The following AMACR variants were observed in gnomAD, a reference collection of about 807,000 sequenced individuals.
AMACR encodes the protein 2-methylacyl-CoA racemase.
In AMACR, 18 loss-of-function variants were observed where a neutral mutation model predicts 22.2. The observed-to-expected ratio is 0.81, with a 90% CI of 0.56 to 1.20. AMACR has a LOEUF of 1.20. AMACR is among the 50% of genes most tolerant of loss of function. AMACR has a pLI of 0.00. For synonymous variants in AMACR, 213 were observed against 191.3 expected, an observed-to-expected ratio of 1.11 and a Z score of -0.94; for missense variants, 499 against 490.6, an observed-to-expected ratio of 1.02 and a Z score of -0.16.
intron 3 of AMACR, 74 bp from the exon 4 acceptor site, chr5:33,998,901 G>T: frequency 6.8e-7 from 1 of 1,469,898 alleles, no homozygotes; most frequent in Non-Finnish European, 9.5e-7. Flanking sequence ...TCCCATTCAA[G>T]TTAAAAAAAA....
chr5:33,995,462 AAAAAGAAATT>A (rs1753606230), intron 4 of AMACR, among the ~76,000 whole-genome samples: 1 of 152,228 alleles, frequency 6.6e-6, no homozygotes, highest in Non-Finnish European at 1.5e-5. Context: ...GGGGAGAAGG[AAAAAGAAATT>A]CATGCTAGTT....
chr5:33,993,275 A>C (rs780854423), intron 4 of AMACR, among the ~76,000 whole-genome samples: 1 of 152,212 alleles, frequency 6.6e-6, no homozygotes, highest in Non-Finnish European at 1.5e-5. Flanking sequence ...TTCAGGCTGA[A>C]TCACATTCCA....
At chr5:34,006,890 A>G (rs2112075124) in intron 1 of AMACR, among the ~76,000 whole-genome samples, 1 of 152,350 alleles carries the variant, frequency 6.6e-6, no homozygotes, top group South Asian at 2.1e-4. Context: ...CTGTCTGAGA[A>G]TCCACTGGAG....
chr5:33,989,358 G>C lies in AMACR; in HGVS notation c.884C>G (p.Thr295Ser). ...AACCTCCTCAAAAGTCAGAACCGGA[G>C]TCACACAGGCATCTGTGCCGTCAAA... ...QIFDGTDACV[T>S]PVLTFEEVVH... The change falls in exon 5 of 5, where the codon ACT (threonine) becomes AGT (serine). Residue 295 changes from threonine to serine, a missense_variant. By Grantham distance (58) the Thr-to-Ser change is moderately conservative (BLOSUM62 1). Transcript: ENST00000335606. The C allele has an allele frequency of 6.2e-7, 1 of 1,614,184 alleles. No individual in the cohort carries two copies. The highest frequency in any genetic ancestry group is 8.5e-7 in the Non-Finnish European group (1 of 1,180,038).
chr5:34,004,193 A>C (rs1753899715), intron 3 of AMACR, among the ~76,000 whole-genome samples: 1 of 152,202 alleles, frequency 6.6e-6, no homozygotes. Flanking sequence ...GACTTCTTGA[A>C]CTTTTTTTGA....
At chr5:33,997,381 C>T (rs1341599624) in intron 4 of AMACR, 2 of 776,914 alleles carry the variant, frequency 2.6e-6, no homozygotes, top group South Asian at 1.3e-5. Flanking sequence ...GCCATTGCCG[C>T]CTCCAACGGT....
chr5:34,004,431 A>G, intron 3 of AMACR, 143 bp downstream of exon 3: 1 of 1,064,502 alleles, frequency 9.4e-7, no homozygotes, highest in Non-Finnish European at 1.4e-6. Flanking sequence ...TCTATTTTAA[A>G]AAGAAAAGGA....
chr5:34,006,789 C>A (rs1753993016), intron 1 of AMACR, among the ~76,000 whole-genome samples: 1 of 152,222 alleles, frequency 6.6e-6, no homozygotes, highest in Non-Finnish European at 1.5e-5. Flanking sequence ...CCGGCTGTGC[C>A]GTAGGCATTC....
intron 4 of AMACR, chr5:33,996,997 A>T: frequency 3.3e-6 from 2 of 602,440 alleles, no homozygotes; most frequent in South Asian, 1.9e-5. Context: ...AATGTCCAGT[A>T]TTTTTTTTTA....
At position 33,986,457 on chromosome 5, in the gene AMACR, T is replaced by C. The variant is rs1356097752; in HGVS notation, c.*2636A>G. ...TATCCCCAGCAAGTATCATGATACC[T>C]GGCACCTAGTAGATCCTCAATAAAC... On this transcript the variant is annotated 3_prime_UTR_variant, in exon 5 of 5. Transcript: ENST00000335606. 2.0e-5 allele frequency: 3 copies of C among 152,254 alleles called. No individual in the cohort carries two copies. The highest frequency in any genetic ancestry group is 7.2e-5 in the African/African-American group (3 of 41,468). 9.4% of individuals were successfully genotyped at this position (152,254 alleles called of 1,614,324 possible).
At chr5:33,992,919 A>G (rs745885042) in intron 4 of AMACR, among the ~76,000 whole-genome samples, 6 of 152,158 alleles carry the variant, frequency 3.9e-5, no homozygotes, top group Non-Finnish European at 7.4e-5. Flanking sequence ...AAATATACAT[A>G]AAGTTTACCA....
chr5:34,003,253 T>C (rs1047676290), intron 3 of AMACR, among the ~76,000 whole-genome samples: 1 of 151,514 alleles, frequency 6.6e-6, no homozygotes, highest in Non-Finnish European at 1.5e-5. Context: ...CGAAATCTGT[T>C]TCTAGTCCCT....
chr5:33,989,746 T>C (rs1270292240), intron 4 of AMACR, among the ~76,000 whole-genome samples: 1 of 152,172 alleles, frequency 6.6e-6, no homozygotes, highest in African/African-American at 2.4e-5. Flanking sequence ...AAGTAGTCTG[T>C]TTTCAATGGT....
chr5:33,990,334 C>T (rs1044366889), intron 4 of AMACR, among the ~76,000 whole-genome samples: 1 of 152,182 alleles, frequency 6.6e-6, no homozygotes. Flanking sequence ...ACTTTCCTCT[C>T]CGGCATGAAA....
intron 4 of AMACR, among the ~76,000 whole-genome samples, chr5:33,995,876 A>C (rs1753617224): frequency 6.6e-6 from 1 of 152,178 alleles, no homozygotes. Flanking sequence ...AAAACAGCTG[A>C]ATCTCAGTAA....
At chr5:34,006,849 G>C (rs1335771052) in intron 1 of AMACR, among the ~76,000 whole-genome samples, 1 of 152,218 alleles carries the variant, frequency 6.6e-6, no homozygotes, top group Non-Finnish European at 1.5e-5. Flanking sequence ...CAATGCTTTG[G>C]ATTTCTACTT....
At chr5:34,000,696 C>A (rs1753790561) in intron 3 of AMACR, among the ~76,000 whole-genome samples, 1 of 152,122 alleles carries the variant, frequency 6.6e-6, no homozygotes, top group African/African-American at 2.4e-5. Flanking sequence ...TTTAACTTAT[C>A]TCTGTAACTC....
intron 2 of AMACR, 34 bp from the exon 3 acceptor site, chr5:34,004,768 TAAATTTAATCTC>T (rs1220149184): frequency 5.6e-6 from 9 of 1,603,490 alleles, no homozygotes; most frequent in Non-Finnish European, 7.7e-6. Flanking sequence ...ATGTCTCTTT[TAAATTTAATCTC>T]TTCTTAAAAT....
At chr5:34,000,947 C>T (rs761803403) in intron 3 of AMACR, among the ~76,000 whole-genome samples, 4 of 152,118 alleles carry the variant, frequency 2.6e-5, no homozygotes, top group Non-Finnish European at 4.4e-5. Flanking sequence ...GAAAAATAGA[C>T]GTGTTAACAG....
Sources: gnomAD v4.1 joint callset for allele counts (sites outside exome capture counted in the v4.1 genomes callset) on GRCh38, gnomAD v4.1.1 for gene constraint, MANE v1.5 for transcripts, NCBI Gene and HGNC (gene_info 2026-07-23, HGNC 2026-07-21) for gene names.